The following EYS variants were observed in gnomAD, a reference collection of about 807,000 sequenced individuals.
EYS encodes protein eyes shut homolog.
In EYS, 250 loss-of-function variants were observed where a neutral mutation model predicts 282.1. The ratio of observed to expected loss-of-function variants is 0.89; its 90% CI spans 0.80 to 0.98. EYS has a LOEUF of 0.98. Ranked by LOEUF, EYS falls within the 50% of genes least tolerant of loss-of-function variation. The pLI is 0.00. For missense variants in EYS, 4,016 were observed against 3,709.0 expected (o/e 1.08, Z -2.15); for synonymous variants, 1,355 against 1,282.9 (o/e 1.06, Z -1.20).
chr6:64,071,762 G>A (rs968240776), intron 32 of EYS, among the ~76,000 whole-genome samples: 1 of 151,064 alleles, frequency 6.6e-6, no homozygotes, highest in African/African-American at 2.4e-5. Context: ...GCTAATTCTA[G>A]TTTTTGATGT....
chr6:65,589,816 T>A (rs926891430), intron 2 of EYS, among the ~76,000 whole-genome samples: 1 of 151,972 alleles, frequency 6.6e-6, no homozygotes, highest in Non-Finnish European at 1.5e-5. Flanking sequence ...GTATTAGAAA[T>A]AAATGTTAAA....
chr6:65,672,786 A>C (rs1706611866), intron 1 of EYS, among the ~76,000 whole-genome samples: 1 of 152,196 alleles, frequency 6.6e-6, no homozygotes, highest in Non-Finnish European at 1.5e-5. Flanking sequence ...GTCCATGTGA[A>C]GAGACCACCA....
intron 7 of EYS, among the ~76,000 whole-genome samples, chr6:65,390,264 T>C (rs987106690): frequency 6.7e-6 from 1 of 148,858 alleles, no homozygotes; most frequent in Non-Finnish European, 1.5e-5. Flanking sequence ...ATGACCACAG[T>C]GGTGATAAAG....
intron 40 of EYS, among the ~76,000 whole-genome samples, chr6:63,767,326 A>G (rs1769814156): frequency 6.6e-6 from 1 of 152,124 alleles, no homozygotes; most frequent in Non-Finnish European, 1.5e-5. Flanking sequence ...CTATACTGAG[A>G]AAATCCCATG....
At chr6:63,745,116 C>T (rs1381680196) in intron 41 of EYS, 3 of 334,952 alleles carry the variant, frequency 9.0e-6, no homozygotes, top group Admixed American at 4.5e-5. Context: ...GCTTTTTCCT[C>T]GAGCATATTT....
intron 5 of EYS, among the ~76,000 whole-genome samples, chr6:65,450,716 C>T (rs558936301): frequency 6.6e-6 from 1 of 152,244 alleles, no homozygotes; most frequent in African/African-American, 2.4e-5. Context: ...CTGAAGCTTT[C>T]CTGCCACTTA....
chr6:64,269,613 T>C (rs1181746576), intron 30 of EYS, among the ~76,000 whole-genome samples: 2 of 152,096 alleles, frequency 1.3e-5, no homozygotes, highest in African/African-American at 2.4e-5. Flanking sequence ...AGCAAATTGA[T>C]ACATTAGATG....
chr6:65,353,614 C>T lies in EYS; in HGVS notation c.1303G>A (p.Val435Ile), dbSNP rs748235223. Reference sequence around the variant, plus strand: ...TTTTTTGTGCACCCTGGAATGCATACATACTGCAAAAAGGAAACAAGGAAA... The same window carrying T: ...TTTTTTGTGCACCCTGGAATGCATATATACTGCAAAAAGGAAACAAGGAAA... ...CFNIIGRFKYVCIPGCTKNPC... is the reference protein window; with the variant it reads ...CFNIIGRFKYICIPGCTKNPC... Residue 435 changes from valine to isoleucine, a missense_variant, in exon 9 of 43, where the codon GTA becomes ATA. By Grantham distance (29) the Val-to-Ile change is conservative (BLOSUM62 3). Transcript: ENST00000503581. 1.9e-6 allele frequency: 3 copies of T among 1,611,668 alleles called. No homozygotes were observed. Among genetic ancestry groups the T allele is most frequent in the East Asian group, 2.2e-5 (1 of 44,682 alleles).
intron 12 of EYS, among the ~76,000 whole-genome samples, chr6:65,156,890 C>T (rs1402945370): frequency 6.6e-6 from 1 of 151,000 alleles, no homozygotes; most frequent in East Asian, 2.0e-4. Flanking sequence ...ATCCCTCTGA[C>T]AAATTGGCAT....
chr6:65,447,118 T>G lies in EYS; in HGVS notation c.863-41751A>C, dbSNP rs559460586. Among the ~76,000 whole-genome samples the G allele has an allele frequency of 2.2e-3, 338 of 151,330 alleles. 3 individuals carry two copies. Among genetic ancestry groups the G allele is most frequent in the African/African-American group, 8.0e-3 (333 of 41,468 alleles). On this transcript the variant is annotated intron_variant, in intron 5 of 42. Coordinates refer to ENST00000503581, the MANE Select transcript of EYS (RefSeq NM_001142800.2). ...AAATTCAGAAAGATTCAGTACTTTT[T>G]TAAAGGTTGCACAGAAGTAAGACTT...
chr6:64,399,305 A>G (rs1364627230), intron 28 of EYS, among the ~76,000 whole-genome samples: 2 of 151,788 alleles, frequency 1.3e-5, no homozygotes, highest in Non-Finnish European at 3.0e-5. Context: ...TTTACCCAAC[A>G]TCCACACTTG....
intron 22 of EYS, among the ~76,000 whole-genome samples, chr6:64,658,366 T>G (rs1327495515): frequency 6.6e-6 from 1 of 152,246 alleles, no homozygotes; most frequent in East Asian, 1.9e-4. Context: ...AAAGTCATTC[T>G]CCGTCCAGCA....
chr6:65,004,550 C>T (rs930825369), intron 13 of EYS, among the ~76,000 whole-genome samples: 4 of 147,594 alleles, frequency 2.7e-5, no homozygotes, highest in Non-Finnish European at 4.6e-5. Context: ...ACACTGGCAC[C>T]GGAACTCAAG....
intron 29 of EYS, among the ~76,000 whole-genome samples, chr6:64,361,580 T>G (rs559358653): frequency 6.6e-6 from 1 of 151,936 alleles, no homozygotes; most frequent in South Asian, 2.1e-4. Flanking sequence ...GTTGCTGTAA[T>G]AAAAGCAACT....
chr6:63,966,914 T>A lies in EYS; in HGVS notation c.7055+17469A>T, dbSNP rs145512256. ...GGGGGATACAATCCAGGACCCCCAGTGGATGCTTGAGACTGTAGACAGTAC... is the reference window on the plus strand; with the variant it reads ...GGGGGATACAATCCAGGACCCCCAGAGGATGCTTGAGACTGTAGACAGTAC... On this transcript the variant is annotated intron_variant, in intron 35 of 42. Coordinates refer to ENST00000503581, the MANE Select transcript of EYS (RefSeq NM_001142800.2). Among the ~76,000 whole-genome samples the A allele has an allele frequency of 4.6e-3, 697 of 152,324 alleles. 7 individuals are homozygous for A. The highest frequency in any genetic ancestry group is 0.015 in the African/African-American group (640 of 41,586).
intron 18 of EYS, among the ~76,000 whole-genome samples, chr6:64,901,726 G>T (rs1767670676): frequency 6.6e-6 from 1 of 151,606 alleles, no homozygotes; most frequent in African/African-American, 2.4e-5. Context: ...GATAAATGTT[G>T]GTATATATTT....
At chr6:63,902,733 TA>T (rs1235550942) in intron 35 of EYS, among the ~76,000 whole-genome samples, 3 of 151,910 alleles carry the variant, frequency 2.0e-5, no homozygotes, top group African/African-American at 4.8e-5. Flanking sequence ...CAAAATAATA[TA>T]AAAAATCCAA....
chr6:64,875,770 G>A (rs1261721117), intron 19 of EYS, among the ~76,000 whole-genome samples: 4 of 151,996 alleles, frequency 2.6e-5, no homozygotes, highest in Non-Finnish European at 4.4e-5. Flanking sequence ...TGTTAAAAGT[G>A]TATTTTAATG....
intron 8 of EYS, among the ~76,000 whole-genome samples, chr6:65,360,972 C>T (rs1363338653): frequency 1.3e-5 from 2 of 152,016 alleles, no homozygotes; most frequent in African/African-American, 2.4e-5. Flanking sequence ...TATATTTCTA[C>T]ATATAAAATT....
Sources: allele counts gnomAD v4.1 joint callset (sites outside exome capture counted in the v4.1 genomes callset), GRCh38; gene constraint gnomAD v4.1.1; transcripts MANE v1.5; gene names NCBI Gene and HGNC (gene_info 2026-07-23, HGNC 2026-07-21).